Variants in POTEE observed in about 807,000 individuals in gnomAD.
POTEE encodes ANKRD26-like family C member 1A.
A neutral mutation model predicts 74.2 loss-of-function variants in POTEE; 21 were observed. The ratio of observed to expected loss-of-function variants is 0.28; its 90% confidence interval spans 0.20 to 0.41. POTEE has a LOEUF of 0.41. POTEE is among the 10% of genes least tolerant of loss of function. The pLI is 1.00. For synonymous variants in POTEE, 211 were observed against 432.8 expected (o/e 0.49, Z 6.36); for missense variants, 525 against 1,158.6 (o/e 0.45, Z 7.94).
At chr2:131,210,259 C>T (rs1318926645) in intron 1 of POTEE, among the ~76,000 whole-genome samples, 2 of 64,566 alleles carry the variant, frequency 3.1e-5, no homozygotes, top group Admixed American at 2.4e-4. Flanking sequence ...GGGGCACTGT[C>T]TTGTGCAGCA....
At chr2:131,221,505 T>C (rs542727124) in intron 4 of POTEE, among the ~76,000 whole-genome samples, 13 of 152,240 alleles carry the variant, frequency 8.5e-5, no homozygotes, top group African/African-American at 3.1e-4. Context: ...TCTGAAGTTT[T>C]AGTTAAAGTT....
In POTEE at chr2:131,264,190, T is replaced by A; in HGVS notation, c.2735T>A (p.Ile912Asn). 1.2e-6 allele frequency: 2 copies of A among 1,614,310 alleles called. No homozygotes were observed. The highest frequency in any genetic ancestry group is 1.7e-6 in the Non-Finnish European group (2 of 1,180,060). ...TMAEREIVRD[I>N]KEKLCYVALD... is the part of the protein sequence containing the mutation. ...GCCGAGCGGGAAATCGTGCGTGACA[T>A]CAAAGAGAAGCTGTGCTATGTTGCC... The change falls in exon 18 of 18, where the codon ATC becomes AAC. Residue 912 changes from isoleucine (I) to asparagine (N), a missense_variant. Physicochemically the swap from Ile to Asn is moderately radical, Grantham distance 149. Transcript: ENST00000683005.
chr2:131,248,081 G>A (rs1338650681), intron 13 of POTEE, among the ~76,000 whole-genome samples: 2 of 144,896 alleles, frequency 1.4e-5, no homozygotes, highest in African/African-American at 5.3e-5. Flanking sequence ...CCTTGGAGTA[G>A]CATCAATGTA....
chr2:131,237,989 G>A (rs1377366254), intron 10 of POTEE, among the ~76,000 whole-genome samples: 1 of 152,156 alleles, frequency 6.6e-6, no homozygotes, highest in South Asian at 2.1e-4. Context: ...TAATGTGGCA[G>A]TAGCTAAACA....
intron 16 of POTEE, among the ~76,000 whole-genome samples, chr2:131,254,469 C>T (rs1484818566): frequency 0.24 from 8,534 of 35,966 alleles, no homozygotes; most frequent in Non-Finnish European, 0.29. Context: ...GCTGAGACCA[C>T]GGGTGTGCAA....
chr2:131,256,528 CTG>C (rs1198095492), intron 16 of POTEE, among the ~76,000 whole-genome samples: 7 of 29,812 alleles, frequency 2.3e-4, no homozygotes, highest in African/African-American at 9.9e-4. Context: ...ATCTCTATTG[CTG>C]TGTTTCAGCC....
At chr2:131,248,579 C>A (rs1288824548) in intron 13 of POTEE, among the ~76,000 whole-genome samples, 1 of 148,708 alleles carries the variant, frequency 6.7e-6, no homozygotes, top group Non-Finnish European at 1.5e-5. Flanking sequence ...TTATAACTCG[C>A]ATCCTACTAG....
At chr2:131,215,727 T>G (rs1173663469) in intron 2 of POTEE, among the ~76,000 whole-genome samples, 1 of 134,958 alleles carries the variant, frequency 7.4e-6, no homozygotes, top group East Asian at 2.0e-4. Flanking sequence ...CATTGATAGG[T>G]TTTTTTTTAA....
chr2:131,225,229 C>T (rs1368715162), intron 6 of POTEE, among the ~76,000 whole-genome samples: 2 of 151,926 alleles, frequency 1.3e-5, no homozygotes, highest in Non-Finnish European at 2.9e-5. Context: ...TCTAATAAAG[C>T]CTGGATATGT....
intron 6 of POTEE, among the ~76,000 whole-genome samples, chr2:131,224,824 A>T (rs1700730828): frequency 6.6e-6 from 1 of 151,890 alleles, no homozygotes; most frequent in South Asian, 2.1e-4. Context: ...GAGCAGAGGG[A>T]ATATCAAGTA....
At chr2:131,223,382 G>C (rs1225801283) in intron 4 of POTEE, among the ~76,000 whole-genome samples, 1 of 149,342 alleles carries the variant, frequency 6.7e-6, no homozygotes, top group Non-Finnish European at 1.5e-5. Context: ...TGTCATCCAA[G>C]GGCTATGCTC....
chr2:131,263,409 C>T lies in POTEE; in HGVS notation c.1954C>T (p.Arg652Trp), dbSNP rs551288353. 1,036 of 1,611,314 alleles carry T rather than the reference C, an allele frequency of 6.4e-4. 10 individuals are homozygous for T. In the South Asian group the frequency reaches 6.6e-3, roughly 10 times the overall value. The change falls in exon 18 of 18, where the codon CGG becomes TGG. Residue 652 changes from arginine to tryptophan, a missense_variant. Arg to Trp is a moderately radical substitution (Grantham distance 101). Coordinates refer to ENST00000683005, the MANE Select transcript of POTEE (RefSeq NM_001083538.3). The stretch of plus-strand genomic sequence containing the variant: ...CGTCTTGCATGAAAATAGTACGTTG[C>T]GGGAAGAAATTGCCATGCTAAGACT... ...KDVLHENSTL[R>W]EEIAMLRLEL...
At chr2:131,262,326 TAAAGAG>T (rs1248590260) in intron 17 of POTEE, among the ~76,000 whole-genome samples, 1 of 138,912 alleles carries the variant, frequency 7.2e-6, no homozygotes, top group Non-Finnish European at 1.6e-5. Flanking sequence ...CATTTCAGTG[TAAAGAG>T]GTTTGAAAAC....
chr2:131,237,831 C>G (rs1163011539), intron 10 of POTEE, among the ~76,000 whole-genome samples: 55 of 152,302 alleles, frequency 3.6e-4, no homozygotes, highest in Non-Finnish European at 5.3e-4. Flanking sequence ...CACTACAAAT[C>G]ATCTGCTGAT....
At chr2:131,219,974 T>C (rs1438828299) in intron 4 of POTEE, among the ~76,000 whole-genome samples, 3 of 151,142 alleles carry the variant, frequency 2.0e-5, no homozygotes, top group Non-Finnish European at 3.0e-5. Flanking sequence ...TACAACAGAA[T>C]AGGAAATTTA....
At chr2:131,228,063 C>T (rs1232108343) in intron 7 of POTEE, among the ~76,000 whole-genome samples, 181 bp from the exon 8 acceptor site, 3 of 150,820 alleles carry the variant, frequency 2.0e-5, no homozygotes, top group African/African-American at 4.9e-5. Flanking sequence ...TTTTTTGGTC[C>T]CTTCCTTTTA....
At chr2:131,220,686 G>A (rs1367273546) in intron 4 of POTEE, among the ~76,000 whole-genome samples, 2 of 152,050 alleles carry the variant, frequency 1.3e-5, no homozygotes, top group African/African-American at 4.8e-5. Context: ...GAAAGGCCGG[G>A]TACAGTGGCT....
At chr2:131,260,714 T>C (rs1381304495) in intron 16 of POTEE, among the ~76,000 whole-genome samples, 147 of 125,188 alleles carry the variant, frequency 1.2e-3, no homozygotes, top group African/African-American at 4.7e-3. Flanking sequence ...TAGGAGTGTT[T>C]TGTAGGAGTC....
At chr2:131,260,550 C>G (rs1388733075) in intron 16 of POTEE, among the ~76,000 whole-genome samples, 1 of 148,718 alleles carries the variant, frequency 6.7e-6, no homozygotes, top group Non-Finnish European at 1.5e-5. Flanking sequence ...AAGTATATTC[C>G]TAGGTACTTC....
Sources: allele counts gnomAD v4.1 joint callset (sites outside exome capture counted in the v4.1 genomes callset), GRCh38; gene constraint gnomAD v4.1.1; transcripts MANE v1.5; gene names NCBI Gene and HGNC (gene_info 2026-07-23, HGNC 2026-07-21).